The following EML6 variants were observed in gnomAD, a reference collection of about 807,000 sequenced individuals.
EML6 encodes the protein EMAP like 6.
EML6 carries 154 observed loss-of-function variants against 240.1 expected under a neutral mutation model. The ratio of observed to expected loss-of-function variants is 0.64; its 90% CI spans 0.56 to 0.73. EML6 has a LOEUF of 0.73. Ranked by LOEUF, EML6 falls within the 30% of genes least tolerant of loss-of-function variation. EML6 has a pLI of 0.00. For synonymous variants in EML6, 1,148 were observed against 899.0 expected (o/e 1.28, Z -4.95); for missense variants, 2,964 against 2,474.6 (o/e 1.20, Z -4.20).
chr2:54,762,943 A>C (rs1446731841), intron 2 of EML6, among the ~76,000 whole-genome samples: 3 of 152,202 alleles, frequency 2.0e-5, no homozygotes, highest in Admixed American at 2.0e-4. Context: ...CTACACACTC[A>C]TATATATAGC....
chr2:54,727,521 A>G (rs1277318624), intron 2 of EML6, among the ~76,000 whole-genome samples: 1 of 152,180 alleles, frequency 6.6e-6, no homozygotes, highest in Non-Finnish European at 1.5e-5. Flanking sequence ...ACAATGCACA[A>G]TTTTTTGTCC....
chr2:54,934,790 C>T (rs572197079), intron 28 of EML6, among the ~76,000 whole-genome samples: 8 of 152,230 alleles, frequency 5.3e-5, no homozygotes, highest in East Asian at 1.9e-4. Context: ...TTGGCTCAAG[C>T]GGTCTTACAC....
chr2:54,879,689 G>A (rs1671716657), intron 17 of EML6, 49 bp downstream of exon 17: 1 of 1,086,832 alleles, frequency 9.2e-7, no homozygotes, highest in Non-Finnish European at 1.4e-6. Flanking sequence ...CCACGGTTCA[G>A]TAAAGGTCAA....
At chr2:54,896,431 A>C (rs140404391) in intron 21 of EML6, among the ~76,000 whole-genome samples, 1 of 152,316 alleles carries the variant, frequency 6.6e-6, no homozygotes, top group African/African-American at 2.4e-5. Context: ...AAATTGAACT[A>C]AAATAAATGT....
chr2:54,892,649 T>G lies in EML6; in HGVS notation c.2735T>G (p.Leu912Arg). 6.4e-7 allele frequency: 1 copy of G among 1,550,648 alleles called. No homozygotes were observed. Among genetic ancestry groups the G allele is most frequent in the Non-Finnish European group, 8.7e-7 (1 of 1,146,002 alleles). The change falls in exon 19 of 42, where the codon CTG (leucine) becomes CGG (arginine). Residue 912 changes from leucine (L) to arginine (R), a missense_variant. By Grantham distance (102) the Leu-to-Arg change is moderately radical. Coordinates refer to ENST00000356458, the MANE Select transcript of EML6 (RefSeq NM_001039753.4). ...GGGCCTGTGTTTGCTATGTATGCACTGGATAAGGTATGGCCTGTGTATCAG... is the reference window on the plus strand; with the variant it reads ...GGGCCTGTGTTTGCTATGTATGCACGGGATAAGGTATGGCCTGTGTATCAG... ...HDGPVFAMYALDKGFVTGGKD... is the reference protein window; with the variant it reads ...HDGPVFAMYARDKGFVTGGKD...
At chr2:54,805,506 CAA>C (rs1213491187) in intron 2 of EML6, among the ~76,000 whole-genome samples, 1 of 152,098 alleles carries the variant, frequency 6.6e-6, no homozygotes, top group Non-Finnish European at 1.5e-5. Context: ...TAACATTGTT[CAA>C]GTCTTCCAGC....
chr2:54,744,962 A>ACACACACACACACACC (rs1553370078), intron 2 of EML6, among the ~76,000 whole-genome samples: 1 of 85,966 alleles, frequency 1.2e-5, no homozygotes, highest in Non-Finnish European at 2.6e-5. Context: ...ACACACACAC[A>ACACACACACACACACC]CCCTGCCATG....
chr2:54,961,207 A>T (rs1676496470), intron 35 of EML6, among the ~76,000 whole-genome samples: 1 of 3,248 alleles, frequency 3.1e-4, no homozygotes, highest in African/African-American at 2.4e-3. Flanking sequence ...TTTTTTTGAG[A>T]CGGAGTCTTG....
At chr2:54,727,208 C>G (rs1484645532) in intron 2 of EML6, among the ~76,000 whole-genome samples, 1 of 137,338 alleles carries the variant, frequency 7.3e-6, no homozygotes, top group Admixed American at 8.6e-5. Flanking sequence ...AGCATCTGAT[C>G]TATTCATTAA....
At chr2:54,909,451 T>C (rs1437094975) in intron 24 of EML6, among the ~76,000 whole-genome samples, 1 of 152,208 alleles carries the variant, frequency 6.6e-6, no homozygotes, top group Non-Finnish European at 1.5e-5. Flanking sequence ...CTAATCACTG[T>C]GTTATAATTC....
At position 54,950,754 on chromosome 2, in the gene EML6, T is replaced by C. The variant is rs1345522735; in HGVS notation, c.4188T>C (p.Ala1396=). The C allele has an allele frequency of 5.2e-6, 8 of 1,551,480 alleles. No individual in the cohort carries two copies. The East Asian group carries it at 1.7e-4, about 33-fold the overall frequency. The change falls in exon 30 of 42, where the codon GCT becomes GCC. Residue 1396 remains alanine (A), a synonymous_variant. Coordinates refer to ENST00000356458, the MANE Select transcript of EML6 (RefSeq NM_001039753.4). ...GADIIFHTAA[A]GIVQNLSTGS... ...ACATCATCTTCCACACAGCAGCGGC[T>C]GGCATCGTTCAGAACCTCTCCACAG... is the stretch of plus-strand genomic sequence containing the variant.
chr2:54,818,029 A>G (rs902489325), intron 4 of EML6, among the ~76,000 whole-genome samples: 1 of 151,526 alleles, frequency 6.6e-6, no homozygotes, highest in Non-Finnish European at 1.5e-5. Flanking sequence ...CGGCATATAT[A>G]TACACTCATA....
chr2:54,922,303 G>C (rs948686952), intron 26 of EML6, among the ~76,000 whole-genome samples: 1 of 152,154 alleles, frequency 6.6e-6, no homozygotes, highest in African/African-American at 2.4e-5. Flanking sequence ...TATGTGAAAA[G>C]ATGTTCAACA....
chr2:54,847,819 G>C (rs560209603), intron 9 of EML6, among the ~76,000 whole-genome samples, 196 bp downstream of exon 9: 1 of 152,158 alleles, frequency 6.6e-6, no homozygotes, highest in South Asian at 2.1e-4. Context: ...TTGATAATTT[G>C]GCAGCACAGT....
chr2:54,844,382 C>T, intron 8 of EML6, 134 bp downstream of exon 8: 1 of 690,682 alleles, frequency 1.4e-6, no homozygotes, highest in Non-Finnish European at 2.4e-6. Flanking sequence ...ACATTTAGCT[C>T]ATCAAGTGGG....
Position 54,902,558 on chromosome 2 carries a change from C to T in EML6, c.3125-486C>T, listed in dbSNP as rs114268695. Among the ~76,000 whole-genome samples, 687 of 148,356 alleles carry T rather than the reference C, an allele frequency of 4.6e-3. 6 individuals are homozygous for T. Among genetic ancestry groups the T allele is most frequent in the Middle Eastern group, 0.014 (4 of 288 alleles). ...GAATTACAGGCATGTGCCACTATTC[C>T]TGGCTAATTTTTGTATTTTTTGTAG... On this transcript the variant is annotated intron_variant, in intron 22 of 41. Transcript: ENST00000356458.
intron 26 of EML6, among the ~76,000 whole-genome samples, chr2:54,922,095 G>T (rs1362368725): frequency 1.3e-5 from 2 of 152,062 alleles, no homozygotes; most frequent in African/African-American, 4.8e-5. Flanking sequence ...AGCTTTGCAT[G>T]GCAAATGAAA....
At chr2:54,899,917 A>G in intron 22 of EML6, 135 bp downstream of exon 22, 1 of 873,420 alleles carries the variant, frequency 1.1e-6, no homozygotes, top group African/African-American at 1.7e-5. Context: ...AGAATTTTAT[A>G]TTGGTTGCTA....
intron 28 of EML6, 126 bp downstream of exon 28, chr2:54,928,877 G>C (rs1674705898): frequency 9.0e-7 from 1 of 1,113,272 alleles, no homozygotes; most frequent in Non-Finnish European, 1.3e-6. Flanking sequence ...TCTTCACAGA[G>C]TCTTCACCTG....
Sources: allele counts gnomAD v4.1 joint callset (sites outside exome capture counted in the v4.1 genomes callset), GRCh38; gene constraint gnomAD v4.1.1; transcripts MANE v1.5; gene names NCBI Gene and HGNC (gene_info 2026-07-23, HGNC 2026-07-21).